DMGDH: variants seen among roughly 807,000 people sequenced by gnomAD.
DMGDH encodes dimethylglycine dehydrogenase, mitochondrial.
Under a neutral mutation model 95.2 loss-of-function variants are expected in DMGDH, and 76 were observed. The ratio of observed to expected loss-of-function variants is 0.80; its 90% CI spans 0.66 to 0.97. The LOEUF (loss-of-function observed/expected upper bound fraction) is 0.97, where lower values mean the gene tolerates loss of function less well. Among genes scored for constraint, DMGDH ranks in the 50% least tolerant of loss-of-function variants. The pLI is 0.00. For synonymous variants in DMGDH, 345 were observed against 377.6 expected (o/e 0.91, Z 1.00); for missense variants, 987 against 1,055.0 (o/e 0.94, Z 0.89).
chr5:79,029,590 A>C (rs16876356), intron 11 of DMGDH, among the ~76,000 whole-genome samples: 29,932 of 152,106 alleles, frequency 0.2, 3,002 homozygotes, highest in African/African-American at 0.24. Context: ...TGATCATGGG[A>C]ATAATATATA....
intron 2 of DMGDH, among the ~76,000 whole-genome samples, chr5:79,058,380 T>A (rs16876440): frequency 0.071 from 10,856 of 152,298 alleles, 862 homozygotes; most frequent in African/African-American, 0.18. Context: ...AATATGAAGA[T>A]GGCACAATGT....
At chr5:79,036,138 C>A (rs1393590180) in intron 7 of DMGDH, among the ~76,000 whole-genome samples, 1 of 152,172 alleles carries the variant, frequency 6.6e-6, no homozygotes. Context: ...GAATTAATTG[C>A]CAAGGCATTT....
intron 14 of DMGDH, among the ~76,000 whole-genome samples, chr5:79,009,010 T>A (rs975800674): frequency 6.6e-6 from 1 of 152,182 alleles, no homozygotes; most frequent in Non-Finnish European, 1.5e-5. Context: ...CATATTTTTT[T>A]AAATGCCTGT....
At chr5:79,033,596 C>A (rs1244592533) in intron 7 of DMGDH, among the ~76,000 whole-genome samples, 188 bp from the exon 8 acceptor site, 2 of 152,136 alleles carry the variant, frequency 1.3e-5, no homozygotes, top group African/African-American at 4.8e-5. Context: ...ATTAAATGTG[C>A]CTGACTTGAT....
rs145258663 is a variant in DMGDH at position 79,044,400 on chromosome 5, G to A, written c.898C>T (p.Leu300Phe). ...VLRDLEGSYYLRQERDGLLFG... is the reference protein window; with the variant it reads ...VLRDLEGSYYFRQERDGLLFG... ...AAAAGCCCATCCCTTTCCTGTCGGA[G>A]ATAATATGATCCTTCCAGGTCACGG... Residue 300 changes from leucine (L) to phenylalanine (F), a missense_variant, in exon 6 of 16, where the codon CTC becomes TTC. Transcript: ENST00000255189. 8,088 of 1,614,178 alleles carry A rather than the reference G, an allele frequency of 5.0e-3. 46 individuals carry two copies. Among genetic ancestry groups the A allele is most frequent in the Non-Finnish European group, 5.1e-3 (6,001 of 1,180,028 alleles).
intron 15 of DMGDH, among the ~76,000 whole-genome samples, chr5:79,002,484 T>C (rs1196270722): frequency 6.6e-6 from 1 of 152,196 alleles, no homozygotes; most frequent in Non-Finnish European, 1.5e-5. Context: ...CCATCTGACA[T>C]GCAATATACT....
intron 14 of DMGDH, chr5:79,020,725 GGAGA>G (rs1225121351): frequency 2.0e-6 from 2 of 983,838 alleles, no homozygotes; most frequent in African/African-American, 3.5e-5. Flanking sequence ...CTCTACACGG[GGAGA>G]GAGGGGAAGG....
rs1208532826 is a variant in DMGDH, at chr5:78,998,223, T to C, written c.2460A>G (p.Val820=). ...QKSLAFAYVP[V]QLSEVGQQVE... is the part of the protein sequence containing the mutation. ...CTTGCTGTCCCACTTCACTTAGTTGTACAGGGACATATGCGAAAGCCAGAC... is the reference window on the plus strand; with the variant it reads ...CTTGCTGTCCCACTTCACTTAGTTGCACAGGGACATATGCGAAAGCCAGAC... Residue 820 remains valine (V), a synonymous_variant, in exon 16 of 16, where the codon GTA becomes GTG. Transcript: ENST00000255189. 1.9e-6 allele frequency: 3 copies of C among 1,614,108 alleles called. No individual in the cohort carries two copies. Among genetic ancestry groups the C allele is most frequent in the Non-Finnish European group, 2.5e-6 (3 of 1,180,046 alleles).
intron 2 of DMGDH, among the ~76,000 whole-genome samples, chr5:79,060,939 C>T (rs943205282): frequency 6.7e-6 from 1 of 149,826 alleles, no homozygotes; most frequent in Non-Finnish European, 1.5e-5. Flanking sequence ...AAAATCAATG[C>T]GGCCAGGCTT....
chr5:79,044,802 T>C (rs527834949), intron 5 of DMGDH, among the ~76,000 whole-genome samples: 4 of 152,132 alleles, frequency 2.6e-5, no homozygotes, highest in Non-Finnish European at 5.9e-5. Flanking sequence ...GAAAATGTTA[T>C]TGCCCATAAG....
chr5:79,061,873 C>A (rs1205215059), intron 2 of DMGDH, among the ~76,000 whole-genome samples: 2 of 152,156 alleles, frequency 1.3e-5, no homozygotes, highest in Non-Finnish European at 2.9e-5. Flanking sequence ...TGCACCACTG[C>A]ACTCCAGCCT....
At chr5:79,061,084 G>A (rs910487312) in intron 2 of DMGDH, among the ~76,000 whole-genome samples, 7 of 151,900 alleles carry the variant, frequency 4.6e-5, no homozygotes, top group Admixed American at 2.6e-4. Flanking sequence ...TTAGCAAGGC[G>A]TGGTCGTGCA....
intron 8 of DMGDH, 92 bp downstream of exon 8, chr5:79,033,147 C>T: frequency 1.3e-6 from 2 of 1,520,710 alleles, no homozygotes; most frequent in South Asian, 2.3e-5. Context: ...CTACCGCCAT[C>T]CCAGTGAATA....
chr5:79,035,575 T>G (rs1018113350), intron 7 of DMGDH, among the ~76,000 whole-genome samples: 7 of 152,152 alleles, frequency 4.6e-5, no homozygotes, highest in African/African-American at 1.7e-4. Flanking sequence ...AAGACACACA[T>G]AGCAGATACA....
intron 7 of DMGDH, among the ~76,000 whole-genome samples, chr5:79,037,264 G>T (rs1024809487): frequency 1.3e-5 from 2 of 152,208 alleles, no homozygotes; most frequent in Non-Finnish European, 2.9e-5. Flanking sequence ...GAATTTCACA[G>T]ATGAGAGGTA....
chr5:79,001,815 T>C (rs1040799910), intron 15 of DMGDH, among the ~76,000 whole-genome samples: 1 of 152,242 alleles, frequency 6.6e-6, no homozygotes, highest in South Asian at 2.1e-4. Context: ...TTCTCTCTAA[T>C]CCAGGTTTAG....
chr5:79,065,930 C>A (rs565317583), intron 1 of DMGDH, among the ~76,000 whole-genome samples: 2 of 152,214 alleles, frequency 1.3e-5, no homozygotes, highest in South Asian at 4.1e-4. Flanking sequence ...CATGACTATA[C>A]ATATATGTAT....
intron 7 of DMGDH, among the ~76,000 whole-genome samples, chr5:79,037,269 G>A (rs192657590): frequency 9.6e-4 from 146 of 152,274 alleles, no homozygotes; most frequent in African/African-American, 3.4e-3. Flanking sequence ...TCACAGATGA[G>A]AGGTATAGGA....
chr5:79,061,651 G>A (rs1755213369), intron 2 of DMGDH, among the ~76,000 whole-genome samples: 1 of 152,186 alleles, frequency 6.6e-6, no homozygotes, highest in Non-Finnish European at 1.5e-5. Flanking sequence ...CAGGTGCGAT[G>A]GCTCATGCCT....
Sources: allele counts gnomAD v4.1 joint callset (sites outside exome capture counted in the v4.1 genomes callset), GRCh38; gene constraint gnomAD v4.1.1; transcripts MANE v1.5; gene names NCBI Gene and HGNC (gene_info 2026-07-23, HGNC 2026-07-21).